ILDR1: variants seen among roughly 807,000 people sequenced by gnomAD.
ILDR1 encodes the protein immunoglobulin-like domain-containing receptor 1.
In ILDR1, 56 loss-of-function variants were observed where a neutral mutation model predicts 62.4. The ratio of observed to expected loss-of-function variants is 0.90; its 90% confidence interval spans 0.72 to 1.12. The LOEUF is 1.12. Among genes scored for constraint, ILDR1 ranks in the 50% most tolerant of loss-of-function variants. The probability of loss-of-function intolerance (pLI) is 0.00; values close to 1 mark genes in which losing one functional copy is unlikely to be tolerated. For missense variants in ILDR1, 736 were observed against 710.6 expected (o/e 1.04, Z -0.41); for synonymous variants, 284 against 277.8 (o/e 1.02, Z -0.22).
At chr3:122,023,050 T>G (rs1273063610), upstream of ILDR1, among the ~76,000 whole-genome samples, 1 of 150,948 alleles carries the variant, frequency 6.6e-6, no homozygotes, top group Non-Finnish European at 1.5e-5. Context: ...TAAAAAGTTA[T>G]GGGAGTTTAA....
intron 7 of ILDR1, among the ~76,000 whole-genome samples, chr3:121,988,778 C>T (rs965645328): frequency 5.9e-5 from 9 of 152,226 alleles, no homozygotes; most frequent in South Asian, 2.1e-4. Context: ...GAAGACATTG[C>T]TCAGTTCTCT....
At chr3:122,037,335 C>T in the ILDR1 span, among the ~76,000 whole-genome samples, 9 of 152,374 alleles carry the variant, frequency 5.9e-5, no homozygotes, top group African/African-American at 2.2e-4. Context: ...GGGCTGTACC[C>T]TGCAGAGCCA....
At chr3:122,012,083 C>G (rs1297871021) in intron 1 of ILDR1, among the ~76,000 whole-genome samples, 1 of 152,194 alleles carries the variant, frequency 6.6e-6, no homozygotes, top group Non-Finnish European at 1.5e-5. Flanking sequence ...AGTAGCAAGA[C>G]AGTCCATCTC....
At chr3:122,050,569 T>C in the ILDR1 span, among the ~76,000 whole-genome samples, 1 of 140,138 alleles carries the variant, frequency 7.1e-6, no homozygotes, top group Non-Finnish European at 1.5e-5. Context: ...GTTATGGATG[T>C]CACAAATTAT....
In ILDR1 at chr3:122,001,195, G is replaced by A; in HGVS notation, c.646+113C>T. Reference sequence around the variant, plus strand: ...AATGTCCTCTGTCCCTATGATGGGAGAAGGGCATGGAGGAGAACCTGGAAG... The same window carrying A: ...AATGTCCTCTGTCCCTATGATGGGAAAAGGGCATGGAGGAGAACCTGGAAG... On this transcript the variant is annotated intron_variant, in intron 5 of 7. Transcript: ENST00000344209. The A allele has an allele frequency of 2.2e-5, 27 of 1,217,574 alleles. 1 individual carries two copies. In the South Asian group the frequency reaches 3.3e-4, roughly 15 times the overall value. 75.4% of individuals were successfully genotyped at this position (1,217,574 alleles called of 1,614,324 possible). A position where few individuals can be genotyped will look rare whatever the true frequency, so the allele number is the denominator to read the frequency against.
chr3:121,992,916 G>A lies in ILDR1; in HGVS notation c.1599+234C>T, dbSNP rs12638492. Among the ~76,000 whole-genome samples the A allele has an allele frequency of 0.21, 32,380 of 152,206 alleles. 4,331 individuals are homozygous for A. The highest frequency in any genetic ancestry group is 0.37 in the Admixed American group (5,598 of 15,286). On this transcript the variant is annotated intron_variant, in intron 7 of 7. Coordinates refer to ENST00000344209, the MANE Select transcript of ILDR1 (RefSeq NM_001199799.2). ...ACAGGACTGCGATGACAGCCGAAGC[G>A]ACGGTGAGAAGGCCCTTCACAGGCA...
chr3:122,051,580 T>C, the ILDR1 span, among the ~76,000 whole-genome samples: 2 of 152,190 alleles, frequency 1.3e-5, no homozygotes, highest in Non-Finnish European at 2.9e-5. Context: ...TTAGAATTTT[T>C]TGTCAGATAA....
chr3:121,996,585 T>C (rs2332035), intron 5 of ILDR1, among the ~76,000 whole-genome samples: 116,377 of 152,134 alleles, frequency 0.76, 45,466 homozygotes, highest in African/African-American at 0.92. Flanking sequence ...GAAACCTGGA[T>C]AAGGCAACAA....
intron 1 of ILDR1, among the ~76,000 whole-genome samples, chr3:122,020,723 G>A (rs1380208844): frequency 6.6e-6 from 1 of 152,210 alleles, no homozygotes; most frequent in African/African-American, 2.4e-5. Flanking sequence ...TGCATTCATA[G>A]CCTAAGATGG....
chr3:121,988,967 C>T (rs1408681379), intron 7 of ILDR1, among the ~76,000 whole-genome samples: 2 of 152,112 alleles, frequency 1.3e-5, no homozygotes, highest in Non-Finnish European at 2.9e-5. Flanking sequence ...TGGGCTTTTT[C>T]CACTTCCTCG....
intron 1 of ILDR1, 25 bp downstream of exon 1, chr3:122,021,995 T>TGGGTACCATTTTTCCAAGGC (rs2071863385): frequency 9.4e-6 from 15 of 1,601,664 alleles, no homozygotes; most frequent in Admixed American, 1.7e-5. Context: ...GGGTCCAGGG[T>TGGGTACCATTTTTCCAAGGC]GGGTACCATT....
At chr3:122,022,580 G>A (rs1482528887), upstream of ILDR1, among the ~76,000 whole-genome samples, 1 of 152,146 alleles carries the variant, frequency 6.6e-6, no homozygotes, top group Non-Finnish European at 1.5e-5. Context: ...ACAGTAATAT[G>A]AAGTTTACAC....
chr3:122,016,114 C>G (rs996228342), intron 1 of ILDR1, among the ~76,000 whole-genome samples: 1 of 152,192 alleles, frequency 6.6e-6, no homozygotes, highest in Non-Finnish European at 1.5e-5. Context: ...CACTCAGTCC[C>G]GCTAACATTC....
At chr3:122,048,807 C>CT in the ILDR1 span, among the ~76,000 whole-genome samples, 34 of 151,250 alleles carry the variant, frequency 2.2e-4, no homozygotes, top group African/African-American at 5.1e-4. Flanking sequence ...TGAGTCTTCT[C>CT]TTTTTTTTTA....
rs1576739858 is a variant in ILDR1 at position 122,021,891 on chromosome 3, C to A, written c.58+129G>T. ...TCCAGTCCCCGCACCTCCTGGCGCC[C>A]ATGCCAAGCGCCACCAGAGCGCGGC... On this transcript the variant is annotated intron_variant, in intron 1 of 7. Coordinates refer to ENST00000344209, the MANE Select transcript of ILDR1 (RefSeq NM_001199799.2). 11 of 827,748 alleles carry A rather than the reference C, an allele frequency of 1.3e-5. No individual in the cohort carries two copies. In the East Asian group the frequency reaches 2.8e-4, roughly 21 times the overall value. The allele number at this position is 827,748 out of a possible 1,614,324, so 51.3% of individuals were successfully genotyped here.
At chr3:122,035,842 G>C in the ILDR1 span, among the ~76,000 whole-genome samples, 1 of 152,252 alleles carries the variant, frequency 6.6e-6, no homozygotes, top group African/African-American at 2.4e-5. Context: ...TACCAGGAAA[G>C]TGGGGGATTG....
chr3:122,042,156 AAT>A, the ILDR1 span, among the ~76,000 whole-genome samples: 1 of 93,500 alleles, frequency 1.1e-5, no homozygotes, highest in Non-Finnish European at 2.1e-5. Flanking sequence ...TATGAGTGAG[AAT>A]ATGCGGTGTT....
intron 4 of ILDR1, 77 bp downstream of exon 4, chr3:122,001,666 GGT>G (rs1491428344): frequency 7.3e-5 from 104 of 1,433,238 alleles, no homozygotes; most frequent in Non-Finnish European, 8.6e-5. Context: ...GCTTATTTCT[GGT>G]TTTTTTTTTT....
chr3:122,046,114 G>C, the ILDR1 span, among the ~76,000 whole-genome samples: 2 of 151,382 alleles, frequency 1.3e-5, no homozygotes, highest in Non-Finnish European at 2.9e-5. Context: ...GGCAGGCCTA[G>C]TGGTGACAAA....
Sources: gnomAD v4.1 joint callset for allele counts (sites outside exome capture counted in the v4.1 genomes callset) on GRCh38, gnomAD v4.1.1 for gene constraint, MANE v1.5 for transcripts, NCBI Gene and HGNC (gene_info 2026-07-23, HGNC 2026-07-21) for gene names.